GABRG3: variants seen among roughly 807,000 people sequenced by gnomAD.
The protein encoded by GABRG3 is gamma-aminobutyric acid receptor subunit gamma-3.
A neutral mutation model predicts 48.8 loss-of-function variants in GABRG3; 25 were observed. That is an observed-to-expected ratio of 0.51 (90% CI 0.37 to 0.72). GABRG3 has a LOEUF of 0.72. Among genes scored for constraint, GABRG3 ranks in the 30% least tolerant of loss-of-function variants. The pLI, the probability that GABRG3 is intolerant of heterozygous loss-of-function variation, is 0.00. For synonymous variants in GABRG3, 227 were observed against 217.6 expected (o/e 1.04, Z -0.38); for missense variants, 394 against 577.9 (o/e 0.68, Z 3.26).
chr15:27,099,621 A>G (rs895323399), intron 3 of GABRG3, among the ~76,000 whole-genome samples: 3 of 152,156 alleles, frequency 2.0e-5, no homozygotes, highest in African/African-American at 4.8e-5. Context: ...GAGGGACACA[A>G]TTCAGCCCCT....
In GABRG3 at chr15:27,537,909, G is replaced by C. The variant is rs192550208; in HGVS notation, c.*5028G>C. The C allele has an allele frequency of 2.0e-5, 3 of 151,082 alleles. No individual in the cohort carries two copies. The highest frequency in any genetic ancestry group is 2.9e-5 in the Non-Finnish European group (2 of 67,852). The allele number at this position is 151,082 out of a possible 1,614,324, so 9.4% of individuals were successfully genotyped here. A position where few individuals can be genotyped will look rare whatever the true frequency, so the allele number is the denominator to read the frequency against. ...GGCTGGAGTGCAGTGGCGCCATCTCGGCTCACTGCAACCTCCACCTCCCGG... is the reference window on the plus strand; with the variant it reads ...GGCTGGAGTGCAGTGGCGCCATCTCCGCTCACTGCAACCTCCACCTCCCGG... On this transcript the variant is annotated 3_prime_UTR_variant, in exon 10 of 10. Transcript: ENST00000615808.
chr15:27,480,113 T>TA (rs1213691272), intron 5 of GABRG3, among the ~76,000 whole-genome samples: 40 of 152,264 alleles, frequency 2.6e-4, no homozygotes, highest in Non-Finnish European at 7.4e-5. Flanking sequence ...ATTAACCACA[T>TA]GAGAAGGGGT....
chr15:27,198,109 A>T (rs1289404679), intron 3 of GABRG3, among the ~76,000 whole-genome samples: 1 of 152,188 alleles, frequency 6.6e-6, no homozygotes, highest in East Asian at 1.9e-4. Context: ...CATGACTAAA[A>T]CACCAAAAGC....
chr15:27,490,429 G>A (rs1277791164), intron 6 of GABRG3, among the ~76,000 whole-genome samples: 1 of 152,160 alleles, frequency 6.6e-6, no homozygotes, highest in Admixed American at 6.6e-5. Context: ...CATAGGTGAT[G>A]TCCATCCAGC....
intron 5 of GABRG3, among the ~76,000 whole-genome samples, chr15:27,410,936 AC>A (rs1360062358): frequency 1.3e-5 from 2 of 151,386 alleles, no homozygotes; most frequent in African/African-American, 4.9e-5. Context: ...GCCTGCCTTA[AC>A]CTTCATTCTA....
intron 5 of GABRG3, among the ~76,000 whole-genome samples, chr15:27,394,872 G>T (rs1182927521): frequency 1.3e-5 from 2 of 151,824 alleles, no homozygotes; most frequent in African/African-American, 4.8e-5. Context: ...TGCTTGCTTT[G>T]AAGAGTCTCT....
At chr15:27,257,153 T>C (rs191834368) in intron 3 of GABRG3, among the ~76,000 whole-genome samples, 1 of 152,356 alleles carries the variant, frequency 6.6e-6, no homozygotes, top group Admixed American at 6.5e-5. Context: ...TTTGCATTTC[T>C]TCGATGATTA....
chr15:27,205,423 T>C (rs2140431225), intron 3 of GABRG3, among the ~76,000 whole-genome samples: 1 of 152,282 alleles, frequency 6.6e-6, no homozygotes, highest in African/African-American at 2.4e-5. Context: ...TTGTAGAGGA[T>C]TAGCTTTTTG....
chr15:27,434,608 A>T (rs1228707514), intron 5 of GABRG3, among the ~76,000 whole-genome samples: 1 of 152,228 alleles, frequency 6.6e-6, no homozygotes, highest in Non-Finnish European at 1.5e-5. Flanking sequence ...AAATGATAGC[A>T]CATAATATAA....
chr15:27,028,083 C>T (rs925804739), intron 3 of GABRG3, among the ~76,000 whole-genome samples: 4 of 152,132 alleles, frequency 2.6e-5, no homozygotes, highest in Admixed American at 6.5e-5. Context: ...CTTTGTGCCT[C>T]GTGTTAGGCT....
At chr15:27,308,497 T>C (rs1595665045) in intron 3 of GABRG3, among the ~76,000 whole-genome samples, 1 of 148,056 alleles carries the variant, frequency 6.8e-6, no homozygotes, top group Non-Finnish European at 1.5e-5. Context: ...AACATACATG[T>C]TTTATATAAA....
intron 2 of GABRG3, among the ~76,000 whole-genome samples, chr15:27,014,316 T>G (rs1349001631): frequency 6.6e-6 from 1 of 151,956 alleles, no homozygotes; most frequent in Non-Finnish European, 1.5e-5. Flanking sequence ...ACAATTTGTA[T>G]TATTTGCTTT....
At chr15:27,359,710 G>A (rs1894959164) in intron 5 of GABRG3, among the ~76,000 whole-genome samples, 1 of 152,146 alleles carries the variant, frequency 6.6e-6, no homozygotes, top group Non-Finnish European at 1.5e-5. Flanking sequence ...TCCATAAGTC[G>A]CCGTAGGCAA....
chr15:27,307,063 G>GTATAATATAAACATGTTTATATATAAACA (rs1566770049), intron 3 of GABRG3, among the ~76,000 whole-genome samples: 10 of 84,200 alleles, frequency 1.2e-4, no homozygotes, highest in Admixed American at 3.5e-4. Context: ...ATATAAACAT[G>GTATAATATAAACATGTTTATATATAAACA]TATAATATAA....
chr15:27,361,998 A>T (rs114984303), intron 5 of GABRG3, among the ~76,000 whole-genome samples: 54 of 152,314 alleles, frequency 3.5e-4, no homozygotes, highest in African/African-American at 1.2e-3. Context: ...TAATATATAC[A>T]TGTATATCTT....
At position 26,971,322 on chromosome 15, in the gene GABRG3, G is replaced by A. The variant is rs1894835784; in HGVS notation, c.-214G>A. On this transcript the variant is annotated 5_prime_UTR_variant, in exon 1 of 10. Coordinates refer to ENST00000615808, the MANE Select transcript of GABRG3 (RefSeq NM_033223.5). ...GGACCGGCGCTAGTGCGCGGGTGGG[G>A]GCGGCGCGCCGCGGTGGCCCGGCGT... 2 of 279,768 alleles carry A rather than the reference G, an allele frequency of 7.1e-6. No individual in the cohort carries two copies. The highest frequency in any genetic ancestry group is 5.4e-5 in the Admixed American group (1 of 18,588). 17.3% of individuals were successfully genotyped at this position (279,768 alleles called of 1,614,324 possible). A position where few individuals can be genotyped will look rare whatever the true frequency, so the allele number is the denominator to read the frequency against.
At chr15:27,159,496 G>A (rs967523051) in intron 3 of GABRG3, among the ~76,000 whole-genome samples, 1 of 151,542 alleles carries the variant, frequency 6.6e-6, no homozygotes, top group Non-Finnish European at 1.5e-5. Context: ...AAAAAAAAGT[G>A]CAGCTCCCTC....
intron 3 of GABRG3, among the ~76,000 whole-genome samples, chr15:27,036,099 G>A (rs988362224): frequency 6.6e-6 from 1 of 152,212 alleles, no homozygotes; most frequent in African/African-American, 2.4e-5. Flanking sequence ...AAGCTGTGGT[G>A]TTCATGAGGC....
intron 3 of GABRG3, among the ~76,000 whole-genome samples, chr15:27,249,759 C>T (rs1890395632): frequency 6.6e-6 from 1 of 152,170 alleles, no homozygotes; most frequent in Non-Finnish European, 1.5e-5. Context: ...TCAACCCAAG[C>T]TGCAAAACCT....
Sources: allele counts gnomAD v4.1 joint callset (sites outside exome capture counted in the v4.1 genomes callset), GRCh38; gene constraint gnomAD v4.1.1; transcripts MANE v1.5; gene names NCBI Gene and HGNC (gene_info 2026-07-23, HGNC 2026-07-21).